PCDHGA7: variants seen among roughly 807,000 people sequenced by gnomAD.
The protein encoded by PCDHGA7 is protocadherin gamma-A7.
In PCDHGA7, 44 loss-of-function variants were observed where a neutral mutation model predicts 58.3. That is an observed-to-expected ratio of 0.75 (90% CI 0.59 to 0.97). The LOEUF (loss-of-function observed/expected upper bound fraction) is 0.97, where lower values mean the gene tolerates loss of function less well. Among genes scored for constraint, PCDHGA7 ranks in the 50% least tolerant of loss-of-function variants. PCDHGA7 has a pLI of 0.00. For synonymous variants in PCDHGA7, 516 were observed against 504.2 expected (o/e 1.02, Z -0.31); for missense variants, 1,266 against 1,188.7 (o/e 1.06, Z -0.96).
rs2099611311 is a variant in PCDHGA7 at position 141,485,311 on chromosome 5, G to A, written c.2425-9496G>A. 3.1e-6 allele frequency: 5 copies of A among 1,614,174 alleles called. No individual in the cohort carries two copies. The East Asian group carries it at 6.7e-5, about 22-fold the overall frequency. ...AGTCACAGGAAGGGACTTTTGTAGGGAATGTCGCTCAAGATTTCCTGCTGG... is the reference window on the plus strand; with the variant it reads ...AGTCACAGGAAGGGACTTTTGTAGGAAATGTCGCTCAAGATTTCCTGCTGG... On this transcript the variant is annotated intron_variant, in intron 1 of 3. Transcript: ENST00000518325. The surrounding 1 kb of genome is among the most constrained non-coding windows in gnomAD (Gnocchi z 5.7).
intron 1 of PCDHGA7, chr5:141,415,513 G>A: frequency 6.2e-7 from 1 of 1,614,214 alleles, no homozygotes; most frequent in East Asian, 2.2e-5. Context: ...GCCCAATTAT[G>A]CGGACACGCT....
intron 1 of PCDHGA7, among the ~76,000 whole-genome samples, chr5:141,480,272 G>A (rs903112862): frequency 7.2e-6 from 1 of 138,796 alleles, no homozygotes; most frequent in African/African-American, 3.0e-5. Flanking sequence ...TTCATTAGCT[G>A]GGTGTGTTGG....
Position 141,490,849 on chromosome 5 carries a change from C to T in PCDHGA7, c.2425-3958C>T, listed in dbSNP as rs200640560. The stretch of plus-strand genomic sequence containing the variant: ...GATGCTGCAGATTGTGGTGGGGGTT[C>T]GAGACTCCGGCTCTCCCCCATTGCA... On this transcript the variant is annotated intron_variant, in intron 1 of 3. Coordinates refer to ENST00000518325, the MANE Select transcript of PCDHGA7 (RefSeq NM_018920.4). This position sits in a 1 kb window ranked among gnomAD's most constrained non-coding sequence, Gnocchi z 5.4. The T allele has an allele frequency of 1.3e-5, 21 of 1,613,748 alleles. No individual in the cohort carries two copies. Among genetic ancestry groups the T allele is most frequent in the Admixed American group, 1.7e-5 (1 of 60,022 alleles).
At chr5:141,467,280 T>G (rs1021597111) in intron 1 of PCDHGA7, among the ~76,000 whole-genome samples, 58 of 152,272 alleles carry the variant, frequency 3.8e-4, no homozygotes, top group Admixed American at 2.6e-4. Flanking sequence ...CTCGAACTCT[T>G]GACCTCAAGT....
At chr5:141,399,944 A>G (rs769384438) in intron 1 of PCDHGA7, 2 of 1,612,254 alleles carry the variant, frequency 1.2e-6, no homozygotes, top group South Asian at 2.2e-5. Context: ...CACGTGCTGC[A>G]GGCTAGCGAG....
chr5:141,489,991 A>G lies in PCDHGA7; in HGVS notation c.2425-4816A>G, dbSNP rs1157441385. On this transcript the variant is annotated intron_variant, in intron 1 of 3. Coordinates refer to ENST00000518325, the MANE Select transcript of PCDHGA7 (RefSeq NM_018920.4). The surrounding 1 kb of genome is among the most constrained non-coding windows in gnomAD (Gnocchi z 4.5). Reference sequence around the variant, plus strand: ...CCAATCCTCAGTTCTACGTGTGGGAATCCCAGAGAATGCACCCATTGGTAC... The same window carrying G: ...CCAATCCTCAGTTCTACGTGTGGGAGTCCCAGAGAATGCACCCATTGGTAC... The G allele has an allele frequency of 6.2e-7, 1 of 1,614,228 alleles. No individual in the cohort carries two copies. Among genetic ancestry groups the G allele is most frequent in the South Asian group, 1.1e-5 (1 of 91,090 alleles).
chr5:141,418,677 T>A (rs1717013168), intron 1 of PCDHGA7: 1 of 1,613,930 alleles, frequency 6.2e-7, no homozygotes, highest in African/African-American at 1.3e-5. Flanking sequence ...GACGAGGGCA[T>A]CAACTCAGAG....
At chr5:141,418,878 A>G (rs1193526475) in intron 1 of PCDHGA7, 2 of 1,613,930 alleles carry the variant, frequency 1.2e-6, no homozygotes, top group Non-Finnish European at 8.5e-7. Context: ...GTTGTAGACG[A>G]AAACGACAAC....
At chr5:141,388,351 C>T (rs1245529264) in intron 1 of PCDHGA7, 1 of 1,613,898 alleles carries the variant, frequency 6.2e-7, no homozygotes, top group African/African-American at 1.3e-5. Context: ...ATATTAGGAT[C>T]TGCCCATGAT....
At chr5:141,480,221 T>C (rs2099514536) in intron 1 of PCDHGA7, among the ~76,000 whole-genome samples, 1 of 149,748 alleles carries the variant, frequency 6.7e-6, no homozygotes, top group Admixed American at 6.7e-5. Context: ...CTGAGCGACA[T>C]AGTGAGATCC....
intron 1 of PCDHGA7, chr5:141,428,105 G>A: frequency 1.9e-6 from 3 of 1,608,184 alleles, no homozygotes; most frequent in Admixed American, 1.7e-5. Flanking sequence ...ACCACGTGCT[G>A]CAGGCCATCG....
Position 141,476,949 on chromosome 5 carries a change from A to G in PCDHGA7, c.2425-17858A>G. The stretch of plus-strand genomic sequence containing the variant: ...GATCTGGATGAAGGCCCCAACGGTG[A>G]AATTATTTACTCCTTCGGCAGCCAC... On this transcript the variant is annotated intron_variant, in intron 1 of 3. Transcript: ENST00000518325. The surrounding 1 kb of genome is among the most constrained non-coding windows in gnomAD (Gnocchi z 7.6). 6.2e-7 allele frequency: 1 copy of G among 1,614,200 alleles called. No individual in the cohort carries two copies. Among genetic ancestry groups the G allele is most frequent in the Admixed American group, 1.7e-5 (1 of 60,038 alleles).
At chr5:141,408,738 C>A in intron 1 of PCDHGA7, 1 of 1,609,632 alleles carries the variant, frequency 6.2e-7, no homozygotes, top group Non-Finnish European at 8.5e-7. Flanking sequence ...CCTTATTTTT[C>A]ATTAATGGTT....
rs200576950 is a variant in PCDHGA7 at position 141,477,475 on chromosome 5, C to T, written c.2425-17332C>T. The T allele has an allele frequency of 1.2e-6, 2 of 1,614,124 alleles. No individual in the cohort carries two copies. Among genetic ancestry groups the T allele is most frequent in the African/African-American group, 2.7e-5 (2 of 75,010 alleles). ...TTCAAGTGTCCGACATCAATGACAACCCTCCACAATCTTCTCAATCTTCCT... is the reference window on the plus strand; with the variant it reads ...TTCAAGTGTCCGACATCAATGACAATCCTCCACAATCTTCTCAATCTTCCT... On this transcript the variant is annotated intron_variant, in intron 1 of 3. Transcript: ENST00000518325. The surrounding 1 kb of genome is among the most constrained non-coding windows in gnomAD (Gnocchi z 4.9).
intron 1 of PCDHGA7, chr5:141,423,907 G>C: frequency 7.9e-7 from 1 of 1,271,360 alleles, no homozygotes. Context: ...TTTCAAAGGG[G>C]CCATTCAACT....
Position 141,490,916 on chromosome 5 carries a change from A to C in PCDHGA7, c.2425-3891A>C. 1 of 1,613,724 alleles carries C rather than the reference A, an allele frequency of 6.2e-7. No homozygotes were observed. Among genetic ancestry groups the C allele is most frequent in the Non-Finnish European group, 8.5e-7 (1 of 1,179,736 alleles). ...CATGTGTTTGTCCTAGACGAGAATG[A>C]TAATGCCCCAGCTGTGCTGCACCCA... is the stretch of plus-strand genomic sequence containing the variant. On this transcript the variant is annotated intron_variant, in intron 1 of 3. Transcript: ENST00000518325. This position sits in a 1 kb window ranked among gnomAD's most constrained non-coding sequence, Gnocchi z 5.4.
At chr5:141,420,240 C>G (rs752339982) in intron 1 of PCDHGA7, 3 of 1,593,140 alleles carry the variant, frequency 1.9e-6, no homozygotes, top group Non-Finnish European at 2.6e-6. Context: ...ATTTTAACTC[C>G]CAGCGTTGAA....
In PCDHGA7 at chr5:141,409,653, A is replaced by G. The variant is rs763812886; in HGVS notation, c.2424+24330A>G. 10 of 1,613,542 alleles carry G rather than the reference A, an allele frequency of 6.2e-6. No homozygotes were observed. The East Asian group carries it at 8.9e-5, about 14-fold the overall frequency. ...GCCTCTGACCCGGATTTGGGGCTCAATGGCCACATCTCCTACTCTATAGTG... is the reference window on the plus strand; with the variant it reads ...GCCTCTGACCCGGATTTGGGGCTCAGTGGCCACATCTCCTACTCTATAGTG... On this transcript the variant is annotated intron_variant, in intron 1 of 3. Transcript: ENST00000518325.
In PCDHGA7 at chr5:141,432,611, T is replaced by G. The variant is rs141541670; in HGVS notation, c.2424+47288T>G. The G allele has an allele frequency of 4.2e-4, 676 of 1,613,808 alleles. 1 individual carries two copies. The African/African-American group carries it at 5.6e-3, about 13-fold the overall frequency. On this transcript the variant is annotated intron_variant, in intron 1 of 3. Coordinates refer to ENST00000518325, the MANE Select transcript of PCDHGA7 (RefSeq NM_018920.4). This position sits in a 1 kb window ranked among gnomAD's most constrained non-coding sequence, Gnocchi z 6.0. ...CAAGGCCAGCGAGCCGGGACTCTTC[T>G]CGGTGGGTCTGCACACGGGCGAGGT...
Sources: gnomAD v4.1 joint callset for allele counts (sites outside exome capture counted in the v4.1 genomes callset) on GRCh38, gnomAD v4.1.1 for gene constraint, Gnocchi (gnomAD v3.1) non-coding constraint, MANE v1.5 for transcripts, NCBI Gene and HGNC (gene_info 2026-07-23, HGNC 2026-07-21) for gene names.